Variants in DYNAP observed in about 807,000 individuals in gnomAD.
DYNAP encodes the protein dynactin-associated protein.
DYNAP carries 7 observed loss-of-function variants against 8.5 expected under a neutral mutation model. The ratio of observed to expected loss-of-function variants is 0.82; its 90% CI spans 0.47 to 1.54. The LOEUF (loss-of-function observed/expected upper bound fraction) is 1.54. DYNAP is among the 40% of genes most tolerant of loss of function. DYNAP has a pLI of 0.01. For synonymous variants in DYNAP, 77 were observed against 77.9 expected (o/e 0.99, Z 0.06); for missense variants, 256 against 224.3 (o/e 1.14, Z -0.90).
At chr18:54,593,187 A>G (rs1247203247) in intron 1 of DYNAP, among the ~76,000 whole-genome samples, 1 of 152,122 alleles carries the variant, frequency 6.6e-6, no homozygotes, top group Non-Finnish European at 1.5e-5. Flanking sequence ...CATCTTAACT[A>G]TATTTAATGA....
At chr18:54,584,088 CTAAG>C (rs1242517116), upstream of DYNAP, among the ~76,000 whole-genome samples, 3 of 151,714 alleles carry the variant, frequency 2.0e-5, no homozygotes, top group South Asian at 2.1e-4. Flanking sequence ...TTTGACAATA[CTAAG>C]TATTTATGAA....
At chr18:54,585,066 G>C (rs371631268), upstream of DYNAP, among the ~76,000 whole-genome samples, 2 of 151,974 alleles carry the variant, frequency 1.3e-5, no homozygotes, top group African/African-American at 2.4e-5. Context: ...ATCAAAGAGG[G>C]GCAAACATGA....
the DYNAP span, among the ~76,000 whole-genome samples, chr18:54,575,902 C>T: frequency 1.3e-5 from 2 of 152,168 alleles, no homozygotes; most frequent in Admixed American, 1.3e-4. Flanking sequence ...CATGTCTCTT[C>T]CCCATCAACT....
chr18:54,585,293 C>T (rs1910837690), upstream of DYNAP, among the ~76,000 whole-genome samples: 1 of 151,864 alleles, frequency 6.6e-6, no homozygotes, highest in Non-Finnish European at 1.5e-5. Context: ...ATCTAATTTT[C>T]ATGTATTTTC....
chr18:54,591,123 T>C (rs2144886034), upstream of DYNAP: 1 of 1,372,902 alleles, frequency 7.3e-7, no homozygotes, highest in African/African-American at 1.5e-5. Flanking sequence ...GGATCCTGTT[T>C]TAGTGAATAA....
chr18:54,578,276 C>G, the DYNAP span, among the ~76,000 whole-genome samples: 1 of 152,180 alleles, frequency 6.6e-6, no homozygotes, highest in Non-Finnish European at 1.5e-5. Flanking sequence ...CAGTTTCCTT[C>G]TGCTAGACAG....
chr18:54,591,805 T>G (rs1440716582), intron 1 of DYNAP, among the ~76,000 whole-genome samples: 3 of 152,154 alleles, frequency 2.0e-5, no homozygotes, highest in Non-Finnish European at 4.4e-5. Context: ...AAATACCTGC[T>G]CTGTGTCAAA....
chr18:54,590,364 T>A (rs1039653482), upstream of DYNAP, among the ~76,000 whole-genome samples: 1 of 151,270 alleles, frequency 6.6e-6, no homozygotes, highest in African/African-American at 2.5e-5. Context: ...TTTAGAACAA[T>A]TTTTTTTCCC....
chr18:54,595,458 G>T (rs1285090792), intron 2 of DYNAP, among the ~76,000 whole-genome samples: 1 of 152,116 alleles, frequency 6.6e-6, no homozygotes, highest in African/African-American at 2.4e-5. Context: ...TTCACCATTA[G>T]ACTCTGATGG....
chr18:54,576,488 C>G, the DYNAP span, among the ~76,000 whole-genome samples: 1 of 152,026 alleles, frequency 6.6e-6, no homozygotes, highest in African/African-American at 2.4e-5. Flanking sequence ...GTGCTAATGA[C>G]ATAAGCATTT....
intron 2 of DYNAP, among the ~76,000 whole-genome samples, chr18:54,596,318 C>A (rs1464744681): frequency 6.6e-6 from 1 of 152,062 alleles, no homozygotes; most frequent in African/African-American, 2.4e-5. Context: ...AGGGATCCAC[C>A]CGCTTCAGCC....
chr18:54,586,488 AC>A (rs1384511595), upstream of DYNAP, among the ~76,000 whole-genome samples: 1 of 152,106 alleles, frequency 6.6e-6, no homozygotes, highest in Non-Finnish European at 1.5e-5. Context: ...TGGCAGCACC[AC>A]CCTGGCCATG....
upstream of DYNAP, among the ~76,000 whole-genome samples, chr18:54,585,759 C>A (rs778772382): frequency 2.6e-5 from 4 of 152,186 alleles, no homozygotes; most frequent in Non-Finnish European, 5.9e-5. Flanking sequence ...GCCTTAGTTC[C>A]CATCATTGTT....
chr18:54,576,399 A>C, the DYNAP span, among the ~76,000 whole-genome samples: 2 of 152,162 alleles, frequency 1.3e-5, no homozygotes, highest in Admixed American at 6.6e-5. Context: ...TCTCACCAAG[A>C]CTTGGTAATG....
chr18:54,594,426 G>T (rs1429203865), intron 1 of DYNAP, among the ~76,000 whole-genome samples: 1 of 152,086 alleles, frequency 6.6e-6, no homozygotes, highest in Non-Finnish European at 1.5e-5. Flanking sequence ...AGCATAGTAT[G>T]GCATAGCATA....
intron 2 of DYNAP, among the ~76,000 whole-genome samples, chr18:54,595,805 C>T (rs1415813778): frequency 6.6e-6 from 1 of 152,048 alleles, no homozygotes; most frequent in Non-Finnish European, 1.5e-5. Context: ...GGTTTGATTC[C>T]CCAGACTCTG....
upstream of DYNAP, among the ~76,000 whole-genome samples, chr18:54,586,844 G>A (rs768743983): frequency 1.3e-5 from 2 of 152,194 alleles, no homozygotes; most frequent in South Asian, 4.1e-4. Flanking sequence ...AATTGGAAGG[G>A]ACATAAACGT....
chr18:54,598,044 A>G lies in DYNAP; in HGVS notation c.454A>G (p.Thr152Ala), dbSNP rs1302492830. The change falls in exon 3 of 3, where the codon ACT becomes GCT. Residue 152 changes from threonine (T) to alanine (A), a missense_variant. Thr to Ala is a moderately conservative substitution (Grantham distance 58, BLOSUM62 0). Coordinates refer to ENST00000648945, the MANE Select transcript of DYNAP (RefSeq NM_173629.3). ...ACPPTMTTTS[T>A]VPASTATEST... ...TCCACCTACAATGACCACCACTTCAACTGTACCTGCAAGTACAGCCACTGA... is the reference window on the plus strand; with the variant it reads ...TCCACCTACAATGACCACCACTTCAGCTGTACCTGCAAGTACAGCCACTGA... The G allele has an allele frequency of 5.6e-6, 9 of 1,612,170 alleles. No homozygotes were observed. The highest frequency in any genetic ancestry group is 2.2e-5 in the East Asian group (1 of 44,708).
chr18:54,598,349 T>C lies in DYNAP; in HGVS notation c.*204T>C. ...CTTGACAACTCAAATAATCACCACT[T>C]CGACCATCTCTTTGACTGAATCAAC... On this transcript the variant is annotated 3_prime_UTR_variant, in exon 3 of 3. Coordinates refer to ENST00000648945, the MANE Select transcript of DYNAP (RefSeq NM_173629.3). The C allele has an allele frequency of 1.8e-6, 1 of 556,832 alleles. No homozygotes were observed. The highest frequency in any genetic ancestry group is 2.9e-5 in the South Asian group (1 of 34,752). The allele number at this position is 556,832 out of a possible 1,614,324, so 34.5% of individuals were successfully genotyped here. A position where few individuals can be genotyped will look rare whatever the true frequency, so the allele number is the denominator to read the frequency against.
Sources: allele counts gnomAD v4.1 joint callset (sites outside exome capture counted in the v4.1 genomes callset), GRCh38; gene constraint gnomAD v4.1.1; transcripts MANE v1.5; gene names NCBI Gene and HGNC (gene_info 2026-07-23, HGNC 2026-07-21).